Variants in SLCO2A1 observed in about 807,000 individuals in gnomAD.
SLCO2A1 encodes the protein solute carrier organic anion transporter family member 2A1, also known as matrin F/G 1.
In SLCO2A1, 60 loss-of-function variants were observed where a neutral mutation model predicts 71.7. The ratio of observed to expected loss-of-function variants is 0.84; its 90% CI spans 0.68 to 1.04. SLCO2A1 has a LOEUF of 1.04. Ranked by LOEUF, SLCO2A1 falls within the 50% of genes least tolerant of loss-of-function variation. The pLI is 0.00. For missense variants in SLCO2A1, 745 were observed against 813.4 expected (o/e 0.92, Z 1.02); for synonymous variants, 308 against 326.7 (o/e 0.94, Z 0.62).
intron 1 of SLCO2A1, among the ~76,000 whole-genome samples, chr3:134,011,070 T>C (rs937447032): frequency 2.6e-5 from 4 of 152,160 alleles, no homozygotes; most frequent in South Asian, 2.1e-4. Flanking sequence ...GTTTTTGAGA[T>C]GGAGTCTCGC....
chr3:133,952,017 C>T (rs1933757080), intron 5 of SLCO2A1, among the ~76,000 whole-genome samples: 1 of 152,216 alleles, frequency 6.6e-6, no homozygotes, highest in Non-Finnish European at 1.5e-5. Context: ...GTGTAAAAGT[C>T]TGCCATTGTG....
intron 3 of SLCO2A1, among the ~76,000 whole-genome samples, chr3:133,964,859 T>C (rs1241727591): frequency 6.6e-6 from 1 of 152,138 alleles, no homozygotes; most frequent in Non-Finnish European, 1.5e-5. Context: ...GGCCAGGGGC[T>C]TTCTCTTCCG....
chr3:133,936,789 T>G (rs564341238), intron 12 of SLCO2A1, among the ~76,000 whole-genome samples: 10 of 152,220 alleles, frequency 6.6e-5, no homozygotes, highest in Admixed American at 2.6e-4. Context: ...TGGGAAACTC[T>G]AAGAAGAAGC....
intron 3 of SLCO2A1, among the ~76,000 whole-genome samples, chr3:133,966,354 C>T (rs1194704081): frequency 6.6e-6 from 1 of 152,194 alleles, no homozygotes; most frequent in Non-Finnish European, 1.5e-5. Flanking sequence ...ACACATCAGC[C>T]ACCAAATCTT....
chr3:133,985,299 TAGTTA>T (rs1934688426), intron 1 of SLCO2A1, among the ~76,000 whole-genome samples: 1 of 152,258 alleles, frequency 6.6e-6, no homozygotes, highest in African/African-American at 2.4e-5. Context: ...AGTAAAGACT[TAGTTA>T]AGTTGTTTAA....
chr3:133,936,569 A>G (rs1203425863), intron 12 of SLCO2A1, among the ~76,000 whole-genome samples: 1 of 152,150 alleles, frequency 6.6e-6, no homozygotes, highest in Non-Finnish European at 1.5e-5. Flanking sequence ...TCCGGATGCC[A>G]CACTACCTGT....
At chr3:133,995,078 C>T (rs959405727) in intron 1 of SLCO2A1, among the ~76,000 whole-genome samples, 1 of 152,082 alleles carries the variant, frequency 6.6e-6, no homozygotes, top group Non-Finnish European at 1.5e-5. Flanking sequence ...TAGGTGCACC[C>T]GAGGGACTGG....
At chr3:133,958,666 G>A (rs377183267) in intron 3 of SLCO2A1, among the ~76,000 whole-genome samples, 1 of 152,190 alleles carries the variant, frequency 6.6e-6, no homozygotes, top group Admixed American at 6.5e-5. Flanking sequence ...AAATCAACAC[G>A]CACACTTCTC....
intron 2 of SLCO2A1, among the ~76,000 whole-genome samples, chr3:133,974,499 C>T (rs1934405190): frequency 6.6e-6 from 1 of 152,180 alleles, no homozygotes; most frequent in South Asian, 2.1e-4. Flanking sequence ...GGGTTTCTGC[C>T]CAAGCAGCTC....
rs551021710 is a variant in SLCO2A1, at chr3:133,948,735, C to A, written c.941-35G>T. ...GACCGCTGTCAAGGCTCTGGCAGAA[C>A]CCCTGGGCTGCAGGCACACCTAGGG... On this transcript the variant is annotated intron_variant, in intron 7 of 13. Coordinates refer to ENST00000310926, the MANE Select transcript of SLCO2A1 (RefSeq NM_005630.3). 1.1e-4 allele frequency: 176 copies of A among 1,606,810 alleles called. No homozygotes were observed. In the South Asian group the frequency reaches 1.8e-3, roughly 16 times the overall value.
rs923632074 is a variant in SLCO2A1 at position 134,012,195 on chromosome 3, C to T, written c.96+17512G>A. Among the ~76,000 whole-genome samples, 6 of 152,296 alleles carry T rather than the reference C, an allele frequency of 3.9e-5. No individual in the cohort carries two copies. The East Asian group carries it at 9.6e-4, about 24-fold the overall frequency. On this transcript the variant is annotated intron_variant, in intron 1 of 13. Transcript: ENST00000310926. Reference sequence around the variant, plus strand: ...TTCAGAGGAGGGTGGCACTGACTACCTGGTTTTCTATTTCAACCCTGCTGA... The same window carrying T: ...TTCAGAGGAGGGTGGCACTGACTACTTGGTTTTCTATTTCAACCCTGCTGA...
At chr3:133,978,283 T>C (rs1934506866) in intron 2 of SLCO2A1, among the ~76,000 whole-genome samples, 1 of 152,168 alleles carries the variant, frequency 6.6e-6, no homozygotes. Context: ...CAGACAGCCC[T>C]GGGCTCAGAC....
chr3:133,945,387 G>T (rs1220425790), intron 9 of SLCO2A1, 127 bp from the exon 10 acceptor site: 3 of 908,872 alleles, frequency 3.3e-6, no homozygotes, highest in Non-Finnish European at 4.9e-6. Context: ...TTGGGCCAGT[G>T]CCACCCTGGG....
chr3:133,965,070 A>T (rs1286502916), intron 3 of SLCO2A1, among the ~76,000 whole-genome samples: 1 of 152,190 alleles, frequency 6.6e-6, no homozygotes, highest in Non-Finnish European at 1.5e-5. Flanking sequence ...TGGGTGTGAG[A>T]TAGAATTTAT....
intron 3 of SLCO2A1, among the ~76,000 whole-genome samples, chr3:133,966,219 G>A (rs1162931943): frequency 6.6e-6 from 1 of 152,190 alleles, no homozygotes; most frequent in Non-Finnish European, 1.5e-5. Context: ...GGGAACTTTT[G>A]TGCCACTACA....
intron 1 of SLCO2A1, 65 bp downstream of exon 1, chr3:134,029,642 G>C: frequency 7.4e-7 from 1 of 1,343,412 alleles, no homozygotes; most frequent in Non-Finnish European, 1.0e-6. Context: ...AGACAGAAGC[G>C]GGTGCCCAGC....
rs757902845 is a variant in SLCO2A1 at position 133,973,668 on chromosome 3, C to G, written c.392G>C (p.Ser131Thr). Residue 131 changes from serine (S) to threonine (T), a missense_variant, in exon 3 of 14, where the codon AGC (serine) becomes ACC (threonine). Transcript: ENST00000310926. ...LSEPYQYTLA[S>T]TGNNSRLQAE... ...AGGGGTTGGAAGCCACTCACCAGTGCTGGCCAAGGTGTACTGGTAGGGCTC... is the reference window on the plus strand; with the variant it reads ...AGGGGTTGGAAGCCACTCACCAGTGGTGGCCAAGGTGTACTGGTAGGGCTC... 1 of 1,613,728 alleles carries G rather than the reference C, an allele frequency of 6.2e-7. No homozygotes were observed. The highest frequency in any genetic ancestry group is 2.2e-5 in the East Asian group (1 of 44,886).
chr3:134,017,611 CCTGGCTGCTTAGTTCCACCATCA>C lies in SLCO2A1; in HGVS notation c.96+12073_96+12095del, dbSNP rs539335909. 6.3e-3 allele frequency among the ~76,000 whole-genome samples: 963 copies of C among 152,286 alleles called. 9 individuals are homozygous for C. The highest frequency in any genetic ancestry group is 0.022 in the African/African-American group (902 of 41,552). ...TGGGCTCATTTGCCCTGGGAGTATC[CCTGGCTGCTTAGTTCCACCATCA>C]CTGGCTCTCAGGCTCTGGCACATAA... On this transcript the variant is annotated intron_variant, in intron 1 of 13. Coordinates refer to ENST00000310926, the MANE Select transcript of SLCO2A1 (RefSeq NM_005630.3).
rs559863054 is a variant in SLCO2A1 at position 134,016,547 on chromosome 3, G to A, written c.96+13160C>T. ...ATTTGTAACAATACCAAATACTGATGAGGTGTCACAGCAACTGGGTCTCTC... is the reference window on the plus strand; with the variant it reads ...ATTTGTAACAATACCAAATACTGATAAGGTGTCACAGCAACTGGGTCTCTC... On this transcript the variant is annotated intron_variant, in intron 1 of 13. Transcript: ENST00000310926. Among the ~76,000 whole-genome samples, 186 of 152,298 alleles carry A rather than the reference G, an allele frequency of 1.2e-3. 2 individuals carry two copies. Among genetic ancestry groups the A allele is most frequent in the Non-Finnish European group, 1.7e-3 (113 of 68,032 alleles).
Sources: allele counts gnomAD v4.1 joint callset (sites outside exome capture counted in the v4.1 genomes callset), GRCh38; gene constraint gnomAD v4.1.1; transcripts MANE v1.5; gene names NCBI Gene and HGNC (gene_info 2026-07-23, HGNC 2026-07-21).